Variants in FBXO34 observed in about 807,000 individuals in gnomAD.
FBXO34 encodes F-box only protein 34.
Under a neutral mutation model 24.5 loss-of-function variants are expected in FBXO34, and 12 were observed. The observed-to-expected ratio is 0.49, with a 90% CI of 0.31 to 0.79. The LOEUF is 0.79. FBXO34 is among the 30% of genes least tolerant of loss of function. FBXO34 has a pLI of 0.04. For synonymous variants in FBXO34, 320 were observed against 311.9 expected, an observed-to-expected ratio of 1.03 and a Z score of -0.27; for missense variants, 823 against 857.7, an observed-to-expected ratio of 0.96 and a Z score of 0.51.
At chr14:55,377,113 G>A in the FBXO34 span, among the ~76,000 whole-genome samples, 2 of 152,188 alleles carry the variant, frequency 1.3e-5, no homozygotes, top group Admixed American at 6.5e-5. Context: ...TTGGGAAGCC[G>A]AAGCGGGTGG....
chr14:55,351,154 C>T lies in FBXO34; in HGVS notation c.764C>T (p.Pro255Leu). Reference protein sequence around the residue: ...VPAVSESYSAPGACEEPTERG... With the variant: ...VPAVSESYSALGACEEPTERG... ...GCAGTGTCTGAGTCCTATTCTGCCC[C>T]AGGAGCTTGTGAAGAACCCACAGAA... is the stretch of plus-strand genomic sequence containing the variant. Residue 255 changes from proline (P) to leucine (L), a missense_variant, in exon 2 of 2, where the codon CCA becomes CTA. Coordinates refer to ENST00000313833, the MANE Select transcript of FBXO34 (RefSeq NM_017943.4). 6.2e-7 allele frequency: 1 copy of T among 1,614,168 alleles called. No individual in the cohort carries two copies. The highest frequency in any genetic ancestry group is 1.1e-5 in the South Asian group (1 of 91,080).
At chr14:55,358,585 A>G (rs1334960894), downstream of FBXO34, among the ~76,000 whole-genome samples, 1 of 151,752 alleles carries the variant, frequency 6.6e-6, no homozygotes, top group Non-Finnish European at 1.5e-5. Context: ...GAGAACAAAG[A>G]TTCTGGAACA....
At chr14:55,403,458 C>G in the FBXO34 span, among the ~76,000 whole-genome samples, 17 of 152,060 alleles carry the variant, frequency 1.1e-4, no homozygotes, top group Middle Eastern at 3.4e-3. Flanking sequence ...ACTGGGACAG[C>G]CTTTAGAAAC....
the FBXO34 span, among the ~76,000 whole-genome samples, chr14:55,385,056 G>A: frequency 2.6e-5 from 4 of 152,222 alleles, no homozygotes; most frequent in Admixed American, 2.6e-4. Context: ...CTTGATAACA[G>A]TTATCTTAGC....
At chr14:55,441,300 C>A in the FBXO34 span, among the ~76,000 whole-genome samples, 1 of 152,170 alleles carries the variant, frequency 6.6e-6, no homozygotes, top group Non-Finnish European at 1.5e-5. Context: ...GGTGCCACCA[C>A]GCCTGGCTAA....
chr14:55,350,123 T>G (rs541198035), intron 1 of FBXO34, among the ~76,000 whole-genome samples: 1 of 151,690 alleles, frequency 6.6e-6, no homozygotes, highest in South Asian at 2.1e-4. Flanking sequence ...TGAAGTCAGT[T>G]TCTGAAGTTC....
chr14:55,280,713 A>G (rs962660423), intron 1 of FBXO34, among the ~76,000 whole-genome samples: 19 of 152,006 alleles, frequency 1.2e-4, no homozygotes, highest in African/African-American at 4.3e-4. Flanking sequence ...TTTTTAGTAG[A>G]GACGGGGTTT....
the FBXO34 span, chr14:55,414,446 T>A: frequency 6.2e-7 from 1 of 1,604,244 alleles, no homozygotes; most frequent in Non-Finnish European, 8.5e-7. Flanking sequence ...CTCAGAACGT[T>A]CTTTGGCACC....
intron 1 of FBXO34, among the ~76,000 whole-genome samples, chr14:55,337,017 C>T (rs903354516): frequency 1.3e-5 from 2 of 150,210 alleles, no homozygotes; most frequent in Admixed American, 1.3e-4. Flanking sequence ...ACTCTGTCGC[C>T]CAGGCTAGAG....
chr14:55,275,877 G>A (rs1881324461), intron 1 of FBXO34, among the ~76,000 whole-genome samples: 1 of 142,740 alleles, frequency 7.0e-6, no homozygotes, highest in Non-Finnish European at 1.6e-5. Flanking sequence ...TTGGCCAGAG[G>A]TGTTAGTTAA....
At chr14:55,371,329 T>C (rs1337904798), downstream of FBXO34, among the ~76,000 whole-genome samples, 2 of 152,174 alleles carry the variant, frequency 1.3e-5, no homozygotes, top group African/African-American at 2.4e-5. Context: ...GTCTGCACCG[T>C]TGACTCACTT....
the FBXO34 span, chr14:55,436,631 G>C: frequency 6.2e-7 from 1 of 1,614,234 alleles, no homozygotes; most frequent in Non-Finnish European, 8.5e-7. Flanking sequence ...ATGGATGCCA[G>C]AGACAAGGAG....
At chr14:55,424,273 A>G in the FBXO34 span, 2 of 1,520,316 alleles carry the variant, frequency 1.3e-6, no homozygotes, top group Non-Finnish European at 1.8e-6. Context: ...TGTAAAAGGA[A>G]AATGTTAAAA....
At chr14:55,315,812 T>C (rs1390484223) in intron 1 of FBXO34, among the ~76,000 whole-genome samples, 4 of 152,226 alleles carry the variant, frequency 2.6e-5, no homozygotes. Context: ...CTTAATGTGG[T>C]GAGGTACTTG....
chr14:55,377,061 G>C, the FBXO34 span, among the ~76,000 whole-genome samples: 1 of 152,100 alleles, frequency 6.6e-6, no homozygotes. Context: ...TAAGAAAATT[G>C]TGTGGCCAGG....
At chr14:55,422,652 G>A in the FBXO34 span, among the ~76,000 whole-genome samples, 1 of 152,152 alleles carries the variant, frequency 6.6e-6, no homozygotes, top group Non-Finnish European at 1.5e-5. Context: ...AGAGGTTCGA[G>A]ACCAGCCTAG....
intron 1 of FBXO34, chr14:55,298,707 C>A (rs1053392126): frequency 6.4e-7 from 1 of 1,568,614 alleles, no homozygotes; most frequent in Admixed American, 1.8e-5. Context: ...GGCCATCCAG[C>A]GGCTGCGGGA....
chr14:55,394,957 A>C, the FBXO34 span: 1 of 397,294 alleles, frequency 2.5e-6, no homozygotes, highest in Non-Finnish European at 4.9e-6. Flanking sequence ...TCCTAAAAAA[A>C]AGCACTGACA....
At chr14:55,394,529 C>T in the FBXO34 span, among the ~76,000 whole-genome samples, 7 of 152,088 alleles carry the variant, frequency 4.6e-5, no homozygotes, top group African/African-American at 1.7e-4. Context: ...TAAGCTGTTA[C>T]GCATGTCCCA....
Sources: allele counts gnomAD v4.1 joint callset (sites outside exome capture counted in the v4.1 genomes callset), GRCh38; gene constraint gnomAD v4.1.1; transcripts MANE v1.5; gene names NCBI Gene and HGNC (gene_info 2026-07-23, HGNC 2026-07-21).